The following ARL15 variants were observed in gnomAD, a reference collection of about 807,000 sequenced individuals.
ARL15 encodes ARF like GTPase 15, also known as ADP-ribosylation factor-like protein 15.
In ARL15, 19 loss-of-function variants were observed where a neutral mutation model predicts 25.2. The observed-to-expected ratio is 0.75, with a 90% CI of 0.53 to 1.10. The LOEUF is 1.10. ARL15 is among the 50% of genes least tolerant of loss of function. ARL15 has a pLI of 0.00. For missense variants in ARL15, 220 were observed against 246.0 expected, an observed-to-expected ratio of 0.89 and a Z score of 0.71; for synonymous variants, 94 against 86.8, an observed-to-expected ratio of 1.08 and a Z score of -0.46.
At chr5:54,189,286 T>G (rs764428538) in intron 1 of ARL15, among the ~76,000 whole-genome samples, 9 of 152,144 alleles carry the variant, frequency 5.9e-5, no homozygotes, top group Non-Finnish European at 1.3e-4. Context: ...AATAATTTTT[T>G]TATGGAAATA....
chr5:54,064,628 T>C (rs1030912268), intron 4 of ARL15, among the ~76,000 whole-genome samples: 2 of 152,176 alleles, frequency 1.3e-5, no homozygotes, highest in Admixed American at 1.3e-4. Context: ...ACCTCAGGCA[T>C]GTGATTTGAC....
chr5:54,154,013 T>C (rs1754148025), intron 3 of ARL15, among the ~76,000 whole-genome samples: 2 of 152,204 alleles, frequency 1.3e-5, no homozygotes, highest in Non-Finnish European at 2.9e-5. Flanking sequence ...TCTATTTACA[T>C]GGGTTAAGAC....
chr5:54,270,146 C>CAA (rs1481493251), intron 1 of ARL15, among the ~76,000 whole-genome samples: 1 of 152,152 alleles, frequency 6.6e-6, no homozygotes, highest in Non-Finnish European at 1.5e-5. Flanking sequence ...CATGAATTAT[C>CAA]AATATTTTTA....
intron 4 of ARL15, among the ~76,000 whole-genome samples, chr5:54,042,461 C>T (rs1750371871): frequency 6.6e-6 from 1 of 152,108 alleles, no homozygotes; most frequent in Non-Finnish European, 1.5e-5. Flanking sequence ...TAAATCTAAG[C>T]TTCTGTAATT....
chr5:53,959,550 A>G (rs374312657), intron 4 of ARL15, among the ~76,000 whole-genome samples: 8 of 152,270 alleles, frequency 5.3e-5, no homozygotes, highest in African/African-American at 1.7e-4. Context: ...ACTGTGGGAG[A>G]GAGTAACCTG....
intron 4 of ARL15, among the ~76,000 whole-genome samples, chr5:53,957,149 C>G (rs1250492891): frequency 6.6e-6 from 1 of 152,106 alleles, no homozygotes; most frequent in Non-Finnish European, 1.5e-5. Flanking sequence ...ACCAAAACAT[C>G]TAATAATCAA....
intron 1 of ARL15, among the ~76,000 whole-genome samples, chr5:54,173,754 C>T (rs1165590145): frequency 1.3e-5 from 2 of 152,086 alleles, no homozygotes; most frequent in Non-Finnish European, 2.9e-5. Flanking sequence ...GCTTAAGCCA[C>T]CCCAGTGACT....
intron 3 of ARL15, among the ~76,000 whole-genome samples, chr5:54,126,327 A>C (rs1753250637): frequency 6.6e-6 from 1 of 152,182 alleles, no homozygotes; most frequent in South Asian, 2.1e-4. Flanking sequence ...TTTGTCCCCA[A>C]ATAAACTAAT....
rs539599438 is a variant in ARL15 at position 54,000,166 on chromosome 5, T to A, written c.462+113036A>T. Among the ~76,000 whole-genome samples, 5 of 152,154 alleles carry A rather than the reference T, an allele frequency of 3.3e-5. No individual in the cohort carries two copies. The East Asian group carries it at 9.7e-4, about 29-fold the overall frequency. Reference sequence around the variant, plus strand: ...TTTCTTTTCCTCTAGTTTTTTTAAGTTTGGAGGAGGCTCCAGCAAGGCTTT... The same window carrying A: ...TTTCTTTTCCTCTAGTTTTTTTAAGATTGGAGGAGGCTCCAGCAAGGCTTT... On this transcript the variant is annotated intron_variant, in intron 4 of 4. Coordinates refer to ENST00000504924, the MANE Select transcript of ARL15 (RefSeq NM_019087.3).
intron 4 of ARL15, among the ~76,000 whole-genome samples, chr5:54,055,640 C>T (rs759366442): frequency 4.6e-5 from 7 of 152,012 alleles, no homozygotes; most frequent in South Asian, 2.1e-4. Context: ...GGATTATAGG[C>T]GTGAGCCACT....
At chr5:54,220,890 A>G (rs1228949532) in intron 1 of ARL15, among the ~76,000 whole-genome samples, 2 of 152,064 alleles carry the variant, frequency 1.3e-5, no homozygotes, top group Non-Finnish European at 2.9e-5. Context: ...ACTAAGATAG[A>G]TAAGTCCTAA....
intron 1 of ARL15, among the ~76,000 whole-genome samples, chr5:54,300,393 C>A (rs1466292293): frequency 1.3e-5 from 2 of 152,236 alleles, no homozygotes; most frequent in African/African-American, 4.8e-5. Context: ...CAGCACCCAG[C>A]TGTTGCAATG....
intron 2 of ARL15, among the ~76,000 whole-genome samples, chr5:54,164,345 T>C: frequency 6.6e-6 from 1 of 152,066 alleles, no homozygotes; most frequent in African/African-American, 2.4e-5. Flanking sequence ...CTTCTGTTGT[T>C]GGGTGGAGTA....
intron 4 of ARL15, among the ~76,000 whole-genome samples, chr5:53,988,543 G>C (rs545469365): frequency 1.4e-4 from 22 of 152,198 alleles, no homozygotes; most frequent in African/African-American, 5.3e-4. Flanking sequence ...AGAATGAGTT[G>C]ACATTTAATA....
intron 1 of ARL15, among the ~76,000 whole-genome samples, chr5:54,260,614 G>C (rs1297901742): frequency 2.0e-5 from 3 of 152,088 alleles, no homozygotes; most frequent in African/African-American, 7.2e-5. Context: ...AGAAATAAAA[G>C]TCCTACTGGT....
At chr5:54,232,945 A>T (rs1308286125) in intron 1 of ARL15, among the ~76,000 whole-genome samples, 1 of 152,220 alleles carries the variant, frequency 6.6e-6, no homozygotes, top group Non-Finnish European at 1.5e-5. Flanking sequence ...CTTTCAGAGG[A>T]TCTGCAGGAT....
intron 4 of ARL15, among the ~76,000 whole-genome samples, chr5:53,913,659 C>G (rs1307630015): frequency 6.6e-6 from 1 of 152,098 alleles, no homozygotes. Flanking sequence ...CATTGTGAGG[C>G]TCAATTGAAT....
At chr5:54,193,675 T>C (rs1451024810) in intron 1 of ARL15, among the ~76,000 whole-genome samples, 1 of 151,842 alleles carries the variant, frequency 6.6e-6, no homozygotes, top group African/African-American at 2.4e-5. Flanking sequence ...ATCAAAAAGC[T>C]TGGGGACCTG....
chr5:53,962,595 C>G (rs146977612), intron 4 of ARL15, among the ~76,000 whole-genome samples: 1 of 152,140 alleles, frequency 6.6e-6, no homozygotes, highest in Non-Finnish European at 1.5e-5. Context: ...TGTTCATCAT[C>G]TCTATGCAAG....
Sources: gnomAD v4.1 joint callset for allele counts (sites outside exome capture counted in the v4.1 genomes callset) on GRCh38, gnomAD v4.1.1 for gene constraint, MANE v1.5 for transcripts, NCBI Gene and HGNC (gene_info 2026-07-23, HGNC 2026-07-21) for gene names.